The following PREX1 variants were observed in gnomAD, a reference collection of about 807,000 sequenced individuals.
PREX1 encodes phosphatidylinositol 3,4,5-trisphosphate-dependent Rac exchanger 1 protein.
PREX1 carries 41 observed loss-of-function variants against 198.3 expected under a neutral mutation model. The observed-to-expected ratio is 0.21, with a 90% CI of 0.16 to 0.27. The LOEUF is 0.27. PREX1 is among the 10% of genes least tolerant of loss of function. The probability of loss-of-function intolerance (pLI) is 1.00; values close to 1 mark genes in which losing one functional copy is unlikely to be tolerated. For synonymous variants in PREX1, 843 were observed against 887.2 expected, an observed-to-expected ratio of 0.95 and a Z score of 0.89; for missense variants, 1,620 against 2,200.7, an observed-to-expected ratio of 0.74 and a Z score of 5.28.
At chr20:48,650,301 G>GGATA in intron 23 of PREX1, 95 bp from the exon 24 acceptor site, 1 of 1,247,116 alleles carries the variant, frequency 8.0e-7, no homozygotes, top group Non-Finnish European at 1.1e-6. Context: ...GCCTAGGCCA[G>GGATA]ATGCCCCACA....
intron 19 of PREX1, 26 bp downstream of exon 19, chr20:48,655,264 C>T: frequency 6.6e-7 from 1 of 1,514,578 alleles, no homozygotes; most frequent in East Asian, 2.3e-5. Context: ...TGCACCTTTC[C>T]CCTCTCTCCC....
intron 1 of PREX1, among the ~76,000 whole-genome samples, chr20:48,786,471 C>T (rs1343815236): frequency 6.6e-6 from 1 of 151,944 alleles, no homozygotes; most frequent in African/African-American, 2.4e-5. Flanking sequence ...GGGCCGGGCA[C>T]GGTGGCTCAC....
At chr20:48,806,017 G>T (rs896218219) in intron 1 of PREX1, among the ~76,000 whole-genome samples, 3 of 152,206 alleles carry the variant, frequency 2.0e-5, no homozygotes, top group African/African-American at 7.2e-5. Flanking sequence ...TGACAATTGG[G>T]GCCAGGTAAT....
At chr20:48,722,513 T>C (rs1568839366) in intron 5 of PREX1, among the ~76,000 whole-genome samples, 1 of 152,140 alleles carries the variant, frequency 6.6e-6, no homozygotes, top group East Asian at 1.9e-4. Flanking sequence ...GTGACAGAAA[T>C]GTTCTAAAAT....
chr20:48,866,681 C>T, the PREX1 span, among the ~76,000 whole-genome samples: 1 of 152,162 alleles, frequency 6.6e-6, no homozygotes, highest in Admixed American at 6.5e-5. Flanking sequence ...AATCCTAGCA[C>T]TTTGGAAGGC....
chr20:48,861,711 CT>C, the PREX1 span, among the ~76,000 whole-genome samples: 1 of 152,124 alleles, frequency 6.6e-6, no homozygotes, highest in Admixed American at 6.5e-5. Context: ...TGAGACTCTC[CT>C]TTTTTAACTC....
At chr20:48,877,571 G>A in the PREX1 span, among the ~76,000 whole-genome samples, 1 of 152,208 alleles carries the variant, frequency 6.6e-6, no homozygotes, top group Non-Finnish European at 1.5e-5. Flanking sequence ...GTCACATGCT[G>A]ATCTCTGATA....
intron 1 of PREX1, among the ~76,000 whole-genome samples, chr20:48,769,217 G>C (rs2090223151): frequency 6.6e-6 from 1 of 152,108 alleles, no homozygotes; most frequent in Admixed American, 6.6e-5. Context: ...GAAGATTCGG[G>C]AACAGGAAGC....
At chr20:48,738,860 G>C (rs1568845388) in intron 3 of PREX1, among the ~76,000 whole-genome samples, 2 of 152,146 alleles carry the variant, frequency 1.3e-5, no homozygotes, top group Non-Finnish European at 2.9e-5. Context: ...CTAAGACCCA[G>C]AAGAGGGAAG....
chr20:48,737,335 T>C (rs1055820370), intron 3 of PREX1, among the ~76,000 whole-genome samples: 5 of 151,182 alleles, frequency 3.3e-5, no homozygotes, highest in African/African-American at 1.2e-4. Flanking sequence ...GGAATTATGA[T>C]GGTCCCTGAC....
chr20:48,695,451 C>T (rs564755279), intron 7 of PREX1, among the ~76,000 whole-genome samples: 13 of 152,332 alleles, frequency 8.5e-5, no homozygotes, highest in African/African-American at 2.2e-4. Context: ...AGCTGAATTA[C>T]TGAGTGATAA....
At chr20:48,737,005 A>G (rs959403390) in intron 3 of PREX1, among the ~76,000 whole-genome samples, 3 of 152,120 alleles carry the variant, frequency 2.0e-5, no homozygotes, top group African/African-American at 7.2e-5. Flanking sequence ...ACAGACAACA[A>G]TATCATTACC....
At chr20:48,848,975 T>G in the PREX1 span, among the ~76,000 whole-genome samples, 146 of 151,896 alleles carry the variant, frequency 9.6e-4, no homozygotes, top group African/African-American at 3.3e-3. Context: ...TGACCTCAGG[T>G]GATCCACCCA....
intron 5 of PREX1, among the ~76,000 whole-genome samples, chr20:48,715,017 C>T (rs2089955475): frequency 6.6e-6 from 1 of 152,184 alleles, no homozygotes; most frequent in Non-Finnish European, 1.5e-5. Context: ...CTGCCCAATT[C>T]AGAACTGAAC....
chr20:48,698,345 G>A (rs2089857377), intron 7 of PREX1, among the ~76,000 whole-genome samples: 1 of 152,190 alleles, frequency 6.6e-6, no homozygotes, highest in African/African-American at 2.4e-5. Context: ...TTGGGAGCAG[G>A]TCACAGAGGC....
chr20:48,666,718 G>C lies in PREX1; in HGVS notation c.1666-363C>G, dbSNP rs992632106. 6.6e-6 allele frequency among the ~76,000 whole-genome samples: 1 copy of C among 151,966 alleles called. No individual in the cohort carries two copies. Reference sequence around the variant, plus strand: ...TTTTTTGTATTTTTAGTAGAGACGGGGTTTCACTGTGTTAGCCAGGATGGT... The same window carrying C: ...TTTTTTGTATTTTTAGTAGAGACGGCGTTTCACTGTGTTAGCCAGGATGGT... On this transcript the variant is annotated intron_variant, in intron 14 of 39. Coordinates refer to ENST00000371941, the MANE Select transcript of PREX1 (RefSeq NM_020820.4). This position sits in a 1 kb window ranked among gnomAD's most constrained non-coding sequence, Gnocchi z 4.3.
intron 1 of PREX1, 43 bp from the exon 2 acceptor site, chr20:48,747,923 G>C (rs201804435): frequency 1.3e-6 from 2 of 1,549,338 alleles, no homozygotes; most frequent in East Asian, 4.5e-5. Context: ...CGCGTCTCCA[G>C]CTCTCCCATG....
chr20:48,829,340 CTG>C (rs1360396974), upstream of PREX1, among the ~76,000 whole-genome samples: 1 of 152,218 alleles, frequency 6.6e-6, no homozygotes, highest in East Asian at 1.9e-4. Flanking sequence ...CGCCTCTAGA[CTG>C]TAGTCATTTT....
intron 7 of PREX1, among the ~76,000 whole-genome samples, chr20:48,698,025 C>A (rs959385460): frequency 1.3e-5 from 2 of 152,222 alleles, no homozygotes; most frequent in African/African-American, 4.8e-5. Flanking sequence ...ATCCACCCAC[C>A]ATTGCCCAAT....
Sources: gnomAD v4.1 joint callset for allele counts (sites outside exome capture counted in the v4.1 genomes callset) on GRCh38, gnomAD v4.1.1 for gene constraint, Gnocchi (gnomAD v3.1) non-coding constraint, MANE v1.5 for transcripts, NCBI Gene and HGNC (gene_info 2026-07-23, HGNC 2026-07-21) for gene names.